Variants in SEMA5A observed in about 807,000 individuals in gnomAD.
SEMA5A encodes the protein semaphorin-5A.
A neutral mutation model predicts 135.5 loss-of-function variants in SEMA5A; 55 were observed. The ratio of observed to expected loss-of-function variants is 0.41; its 90% CI spans 0.33 to 0.51. The LOEUF (loss-of-function observed/expected upper bound fraction) is 0.51, where lower values mean the gene tolerates loss of function less well. Ranked by LOEUF, SEMA5A falls within the 20% of genes least tolerant of loss-of-function variation. The pLI, the probability that SEMA5A is intolerant of heterozygous loss-of-function variation, is 0.37. For synonymous variants in SEMA5A, 580 were observed against 546.5 expected, an observed-to-expected ratio of 1.06 and a Z score of -0.85; for missense variants, 1,290 against 1,419.9, an observed-to-expected ratio of 0.91 and a Z score of 1.47.
At chr5:9,422,068 T>G (rs911453239) in intron 2 of SEMA5A, among the ~76,000 whole-genome samples, 3 of 152,238 alleles carry the variant, frequency 2.0e-5, no homozygotes, top group Non-Finnish European at 4.4e-5. Context: ...ATTCTCGTTC[T>G]GCAATTACTA....
chr5:9,151,005 C>G (rs1742606454), intron 12 of SEMA5A, among the ~76,000 whole-genome samples: 1 of 152,176 alleles, frequency 6.6e-6, no homozygotes, highest in Non-Finnish European at 1.5e-5. Flanking sequence ...GCAGTCTCGG[C>G]TCTGACCCAG....
intron 16 of SEMA5A, among the ~76,000 whole-genome samples, chr5:9,106,076 A>ATACTCCTACCACTGAGAAGTGGAT (rs1318383043): frequency 2.0e-5 from 3 of 152,228 alleles, no homozygotes; most frequent in Non-Finnish European, 2.9e-5. Flanking sequence ...GAAGAAAAAT[A>ATACTCCTACCACTGAGAAGTGGAT]TACTCCTACC....
chr5:9,448,914 T>C (rs1018840817), intron 1 of SEMA5A, among the ~76,000 whole-genome samples: 1 of 152,198 alleles, frequency 6.6e-6, no homozygotes, highest in African/African-American at 2.4e-5. Flanking sequence ...TGACTTCACA[T>C]TCCCAAGGCC....
chr5:9,447,548 A>T (rs529649503), intron 1 of SEMA5A, among the ~76,000 whole-genome samples: 1 of 152,216 alleles, frequency 6.6e-6, no homozygotes, highest in Non-Finnish European at 1.5e-5. Flanking sequence ...GCATTACGGC[A>T]TGCAGGCAAC....
chr5:9,439,677 C>T (rs1408489768), intron 1 of SEMA5A, among the ~76,000 whole-genome samples: 2 of 152,184 alleles, frequency 1.3e-5, no homozygotes, highest in Non-Finnish European at 2.9e-5. Context: ...CAAGAATTCA[C>T]AATCAGTAAC....
intron 13 of SEMA5A, among the ~76,000 whole-genome samples, chr5:9,127,089 A>G (rs1278231949): frequency 6.6e-6 from 1 of 152,202 alleles, no homozygotes. Context: ...AATTCCTCTC[A>G]CAGTTATCTT....
intron 1 of SEMA5A, among the ~76,000 whole-genome samples, chr5:9,541,905 A>T (rs983335459): frequency 2.6e-5 from 4 of 152,204 alleles, no homozygotes; most frequent in Non-Finnish European, 5.9e-5. Context: ...TGTCAATACT[A>T]GTATGTTGAA....
At chr5:9,217,271 T>G (rs750089591) in intron 8 of SEMA5A, among the ~76,000 whole-genome samples, 2 of 152,234 alleles carry the variant, frequency 1.3e-5, no homozygotes, top group Non-Finnish European at 2.9e-5. Flanking sequence ...AATTCTTGGT[T>G]GAAGACTTTT....
chr5:9,210,555 C>T (rs1000780020), intron 8 of SEMA5A, among the ~76,000 whole-genome samples: 8 of 152,094 alleles, frequency 5.3e-5, no homozygotes, highest in African/African-American at 9.7e-5. Context: ...ATGTGGGCAT[C>T]GGGAGAGAGA....
intron 5 of SEMA5A, among the ~76,000 whole-genome samples, chr5:9,299,270 G>T (rs530980193): frequency 8.5e-5 from 13 of 152,304 alleles, no homozygotes; most frequent in African/African-American, 2.9e-4. Flanking sequence ...GGTGAAGAAG[G>T]AGCCTGGCAT....
rs550857849 is a variant in SEMA5A at position 9,244,169 on chromosome 5, T to C, written c.271-6279A>G. 5.3e-5 allele frequency among the ~76,000 whole-genome samples: 8 copies of C among 152,332 alleles called. No homozygotes were observed. The South Asian group carries it at 8.3e-4, about 16-fold the overall frequency. The stretch of plus-strand genomic sequence containing the variant: ...TTTGTGAAATTAAACATCTTCTGTA[T>C]AAGAACACAGTTTGTTCTTGACACA... On this transcript the variant is annotated intron_variant, in intron 5 of 22. Coordinates refer to ENST00000382496, the MANE Select transcript of SEMA5A (RefSeq NM_003966.3).
chr5:9,127,301 AC>A lies in SEMA5A; in HGVS notation c.1600-4465del, dbSNP rs1741169649. Among the ~76,000 whole-genome samples the A allele has an allele frequency of 2.6e-5, 4 of 152,280 alleles. 1 individual carries two copies. The highest frequency in any genetic ancestry group is 9.6e-5 in the African/African-American group (4 of 41,552). ...GCAGTTCTATCCTGGATGCTAATCC[AC>A]CATGCTGACTTCTGATTAACCCAAG... On this transcript the variant is annotated intron_variant, in intron 13 of 22. Transcript: ENST00000382496.
intron 5 of SEMA5A, among the ~76,000 whole-genome samples, chr5:9,291,876 A>C (rs1297197542): frequency 1.3e-5 from 2 of 151,562 alleles, no homozygotes; most frequent in Non-Finnish European, 2.9e-5. Flanking sequence ...GGTGCTGATT[A>C]GGTAGCAATT....
At chr5:9,465,986 T>A (rs186844815) in intron 1 of SEMA5A, among the ~76,000 whole-genome samples, 1 of 152,136 alleles carries the variant, frequency 6.6e-6, no homozygotes, top group African/African-American at 2.4e-5. Context: ...GAGGACCCAG[T>A]GGAGAATTCA....
chr5:9,465,181 C>T (rs1759211287), intron 1 of SEMA5A, among the ~76,000 whole-genome samples: 1 of 152,204 alleles, frequency 6.6e-6, no homozygotes, highest in Non-Finnish European at 1.5e-5. Flanking sequence ...GGAACACAGT[C>T]TCATTGTTAA....
chr5:9,506,853 A>G (rs947866501), intron 1 of SEMA5A, among the ~76,000 whole-genome samples: 1 of 152,180 alleles, frequency 6.6e-6, no homozygotes. Context: ...TCCGAGGATC[A>G]CTGTGTTTCC....
At chr5:9,227,869 C>T (rs1489066561) in intron 6 of SEMA5A, among the ~76,000 whole-genome samples, 1 of 152,150 alleles carries the variant, frequency 6.6e-6, no homozygotes, top group Non-Finnish European at 1.5e-5. Context: ...ATTTTTAATT[C>T]ATTGATTGAA....
At chr5:9,382,254 T>C (rs977343554) in intron 2 of SEMA5A, among the ~76,000 whole-genome samples, 1 of 152,128 alleles carries the variant, frequency 6.6e-6, no homozygotes, top group African/African-American at 2.4e-5. Flanking sequence ...CAGCTAAGAA[T>C]GTGCCACTGG....
intron 16 of SEMA5A, among the ~76,000 whole-genome samples, chr5:9,076,203 C>CA (rs55743535): frequency 0.021 from 1,853 of 89,794 alleles, 58 homozygotes; most frequent in African/African-American, 0.071. Flanking sequence ...GACTCCATCT[C>CA]AAAAAAAAAA....
Sources: allele counts gnomAD v4.1 joint callset (sites outside exome capture counted in the v4.1 genomes callset), GRCh38; gene constraint gnomAD v4.1.1; transcripts MANE v1.5; gene names NCBI Gene and HGNC (gene_info 2026-07-23, HGNC 2026-07-21).